PRRC2B: variants seen among roughly 807,000 people sequenced by gnomAD.
The protein encoded by PRRC2B is protein PRRC2B.
A neutral mutation model predicts 242.3 loss-of-function variants in PRRC2B; 68 were observed. That is an observed-to-expected ratio of 0.28 (90% confidence interval 0.23 to 0.34). The LOEUF is 0.34. Ranked by LOEUF, PRRC2B falls within the 10% of genes least tolerant of loss-of-function variation. The pLI is 1.00. For missense variants in PRRC2B, 2,835 were observed against 2,954.8 expected (o/e 0.96, Z 0.94); for synonymous variants, 1,228 against 1,173.6 (o/e 1.05, Z -0.95).
rs899111191 is a variant in PRRC2B at position 131,494,656 on chromosome 9, G to A, written c.6555+170G>A. Among the ~76,000 whole-genome samples, 53 of 152,190 alleles carry A rather than the reference G, an allele frequency of 3.5e-4. No individual in the cohort carries two copies. The highest frequency in any genetic ancestry group is 1.3e-3 in the African/African-American group (52 of 41,444). On this transcript the variant is annotated intron_variant, in intron 31 of 31. Transcript: ENST00000683519. This position sits in a 1 kb window ranked among gnomAD's most constrained non-coding sequence, Gnocchi z 4.3. ...CTGGGCCGCCCGCGTCCCTCCTGGC[G>A]AAGGCATTTCTCCTCTTGACGGGCG...
At chr9:131,395,764 T>C (rs561009125) in intron 1 of PRRC2B, among the ~76,000 whole-genome samples, 2 of 152,226 alleles carry the variant, frequency 1.3e-5, no homozygotes, top group East Asian at 1.9e-4. Flanking sequence ...TAGTGGGCGC[T>C]TATACAGTGC....
At chr9:131,430,783 G>A (rs137876289) in intron 2 of PRRC2B, among the ~76,000 whole-genome samples, 75 of 148,374 alleles carry the variant, frequency 5.1e-4, no homozygotes, top group African/African-American at 1.8e-3. Context: ...AGTAGAGATG[G>A]GGTTTCCCCA....
At chr9:131,401,106 C>T (rs1837216433) in intron 1 of PRRC2B, among the ~76,000 whole-genome samples, 1 of 151,818 alleles carries the variant, frequency 6.6e-6, no homozygotes, top group African/African-American at 2.4e-5. Context: ...TCGGAGCCCC[C>T]TACAGTTTCT....
intron 1 of PRRC2B, among the ~76,000 whole-genome samples, chr9:131,420,164 C>T (rs1028700085): frequency 6.6e-6 from 1 of 152,132 alleles, no homozygotes; most frequent in South Asian, 2.1e-4. Flanking sequence ...GGGGATGGCT[C>T]ATGTCTCCCA....
At chr9:131,493,828 G>C (rs536127923) in intron 30 of PRRC2B, among the ~76,000 whole-genome samples, 2 of 152,110 alleles carry the variant, frequency 1.3e-5, no homozygotes, top group African/African-American at 4.8e-5. Flanking sequence ...TGAGAGTCCT[G>C]TTGAACTCTG....
At chr9:131,478,330 T>G in intron 17 of PRRC2B, 144 bp from the exon 18 acceptor site, 1 of 789,658 alleles carries the variant, frequency 1.3e-6, no homozygotes, top group Non-Finnish European at 2.1e-6. Context: ...ATGTGTTAGA[T>G]CAGAGGCGGC....
chr9:131,393,369 A>G (rs1219468103), upstream of PRRC2B, among the ~76,000 whole-genome samples: 1 of 152,014 alleles, frequency 6.6e-6, no homozygotes, highest in Non-Finnish European at 1.5e-5. Flanking sequence ...AAAAGTAAGA[A>G]CCCTCCTCCG....
chr9:131,477,738 T>A lies in PRRC2B; in HGVS notation c.4407-6T>A, dbSNP rs1223254062. On this transcript the variant is annotated splice_region_variant and splice_polypyrimidine_tract_variant and intron_variant, in intron 16 of 31. Coordinates refer to ENST00000683519, the MANE Select transcript of PRRC2B (RefSeq NM_013318.4). ...TCTGGTTAACAAGATCCTCTTTCCCTTACAGATCCCCAGACGAGGCCTTGC... is the reference window on the plus strand; with the variant it reads ...TCTGGTTAACAAGATCCTCTTTCCCATACAGATCCCCAGACGAGGCCTTGC... The A allele has an allele frequency of 1.9e-6, 3 of 1,580,760 alleles. No homozygotes were observed. The highest frequency in any genetic ancestry group is 1.3e-5 in the African/African-American group (1 of 74,450).
At chr9:131,485,342 C>T (rs1020152198) in intron 25 of PRRC2B, among the ~76,000 whole-genome samples, 1 of 152,198 alleles carries the variant, frequency 6.6e-6, no homozygotes, top group African/African-American at 2.4e-5. Context: ...GGAAACAGAA[C>T]TGGGGGATAA....
In PRRC2B at chr9:131,386,954, C is replaced by T. The variant is rs187656031; in HGVS notation, c.-56+13223C>T. On this transcript the variant is annotated intron_variant, in intron 1 of 1. Coordinates refer to the PRRC2B transcript ENST00000682525. ...CGGTCCAGGTTCCAAAACTGAAGAA[C>T]TTTGGGAGAAAGATGTAGGCTGTGA... Among the ~76,000 whole-genome samples, 406 of 150,154 alleles carry T rather than the reference C, an allele frequency of 2.7e-3. 9 individuals carry two copies. Among genetic ancestry groups the T allele is most frequent in the African/African-American group, 9.4e-3 (389 of 41,326 alleles).
intron 5 of PRRC2B, among the ~76,000 whole-genome samples, chr9:131,441,276 T>A (rs1380968685): frequency 1.3e-5 from 2 of 152,166 alleles, no homozygotes; most frequent in African/African-American, 4.8e-5. Flanking sequence ...CAAATGGGCA[T>A]AGGGGTGAGA....
At chr9:131,436,599 C>G in intron 3 of PRRC2B, 21 bp from the exon 4 acceptor site, 1 of 1,603,822 alleles carries the variant, frequency 6.2e-7, no homozygotes, top group Non-Finnish European at 8.5e-7. Context: ...TGCCTGACCC[C>G]ACTGCCCTGC....
At chr9:131,448,738 C>T (rs1048298825) in intron 9 of PRRC2B, among the ~76,000 whole-genome samples, 3 of 151,452 alleles carry the variant, frequency 2.0e-5, no homozygotes, top group Admixed American at 6.6e-5. Flanking sequence ...CATTCTTATT[C>T]GTTTATCTCC....
At chr9:131,448,412 C>T (rs561232042) in intron 9 of PRRC2B, among the ~76,000 whole-genome samples, 21 of 151,372 alleles carry the variant, frequency 1.4e-4, no homozygotes, top group East Asian at 5.8e-4. Context: ...GGTGTGGTGG[C>T]GCGTGCCTGT....
intron 9 of PRRC2B, among the ~76,000 whole-genome samples, chr9:131,448,872 C>T (rs989056194): frequency 6.6e-6 from 1 of 152,078 alleles, no homozygotes; most frequent in African/African-American, 2.4e-5. Context: ...CAAATGGATA[C>T]GTGTATATCA....
rs563442759 is a variant in PRRC2B, at chr9:131,500,095, G to C, written c.*4221G>C. 6.6e-6 allele frequency: 1 copy of C among 152,050 alleles called. No homozygotes were observed. The highest frequency in any genetic ancestry group is 1.5e-5 in the Non-Finnish European group (1 of 68,010). 9.4% of individuals were successfully genotyped at this position (152,050 alleles called of 1,614,324 possible). Reference sequence around the variant, plus strand: ...ACACTCACCCTCGCCCTTTCCCTCCGGTTCAGTACCTATTGTTTCTCCTTT... The same window carrying C: ...ACACTCACCCTCGCCCTTTCCCTCCCGTTCAGTACCTATTGTTTCTCCTTT... On this transcript the variant is annotated 3_prime_UTR_variant, in exon 32 of 32. Transcript: ENST00000683519.
intron 9 of PRRC2B, among the ~76,000 whole-genome samples, chr9:131,452,080 ATAAGATTGGTATTTTTGTAAGATCAGT>A: frequency 2.8e-4 from 1 of 3,582 alleles, no homozygotes; most frequent in Non-Finnish European, 2.6e-3. Flanking sequence ...TTCCTAAAGA[ATAAGATTGGTATTTTTGTAAGATCAGT>A]ATAAGATTGG....
intron 3 of PRRC2B, among the ~76,000 whole-genome samples, chr9:131,434,190 C>T (rs1256125407): frequency 6.6e-6 from 1 of 152,216 alleles, no homozygotes; most frequent in Admixed American, 6.5e-5. Context: ...CAGATATTGG[C>T]TGCTGTCATC....
At chr9:131,458,130 G>C (rs928707454) in intron 10 of PRRC2B, among the ~76,000 whole-genome samples, 1 of 152,084 alleles carries the variant, frequency 6.6e-6, no homozygotes, top group South Asian at 2.1e-4. Flanking sequence ...TTTCCATGCT[G>C]TGTCGGCTCT....
Sources: allele counts gnomAD v4.1 joint callset (sites outside exome capture counted in the v4.1 genomes callset), GRCh38; gene constraint gnomAD v4.1.1; non-coding constraint Gnocchi (gnomAD v3.1); transcripts MANE v1.5; gene names NCBI Gene and HGNC (gene_info 2026-07-23, HGNC 2026-07-21).